PHLPP1: variants seen among roughly 807,000 people sequenced by gnomAD.
The protein encoded by PHLPP1 is PH domain and leucine rich repeat protein phosphatase 1, also known as PH domain leucine-rich repeat-containing protein phosphatase 1.
A neutral mutation model predicts 117.2 loss-of-function variants in PHLPP1; 42 were observed. The observed-to-expected ratio is 0.36, with a 90% CI of 0.28 to 0.46. PHLPP1 has a LOEUF of 0.46. Among genes scored for constraint, PHLPP1 ranks in the 20% least tolerant of loss-of-function variants. The pLI is 1.00. For synonymous variants in PHLPP1, 1,042 were observed against 970.7 expected, an observed-to-expected ratio of 1.07 and a Z score of -1.37; for missense variants, 2,084 against 2,241.9, an observed-to-expected ratio of 0.93 and a Z score of 1.42.
At chr18:62,864,194 G>C (rs1275036066) in intron 4 of PHLPP1, among the ~76,000 whole-genome samples, 1 of 151,828 alleles carries the variant, frequency 6.6e-6, no homozygotes, top group Non-Finnish European at 1.5e-5. Context: ...GCTAATTTTT[G>C]TATTTTTAGT....
chr18:62,978,141 G>A lies in PHLPP1; in HGVS notation c.3985-121G>A, dbSNP rs1911248392. On this transcript the variant is annotated intron_variant, in intron 16 of 16. Transcript: ENST00000262719. This position sits in a 1 kb window ranked among gnomAD's most constrained non-coding sequence, Gnocchi z 7.0. ...AGAGTGAGCCCTTCTTTCCTCTGTG[G>A]GCCACACAGCACTTCTCTGTGGTCC... The A allele has an allele frequency of 1.6e-6, 1 of 616,436 alleles. No homozygotes were observed. Among genetic ancestry groups the A allele is most frequent in the East Asian group, 2.8e-5 (1 of 36,204 alleles). 38.2% of individuals were successfully genotyped at this position (616,436 alleles called of 1,614,324 possible). A position where few individuals can be genotyped will look rare whatever the true frequency, so the allele number is the denominator to read the frequency against.
chr18:62,926,496 T>C (rs755717260), intron 10 of PHLPP1, among the ~76,000 whole-genome samples: 3 of 152,174 alleles, frequency 2.0e-5, no homozygotes, highest in Non-Finnish European at 4.4e-5. Flanking sequence ...CCTGTTTCTC[T>C]GATGCTCCTA....
Position 62,978,125 on chromosome 18 carries a change from C to T in PHLPP1, c.3985-137C>T, listed in dbSNP as rs1911247684. On this transcript the variant is annotated intron_variant, in intron 16 of 16. Transcript: ENST00000262719. This position sits in a 1 kb window ranked among gnomAD's most constrained non-coding sequence, Gnocchi z 7.0. ...ATTAACTACTCACTACAGAGTGAGC[C>T]CTTCTTTCCTCTGTGGGCCACACAG... 1 of 603,704 alleles carries T rather than the reference C, an allele frequency of 1.7e-6. No individual in the cohort carries two copies. The highest frequency in any genetic ancestry group is 3.0e-6 in the Non-Finnish European group (1 of 336,404). 37.4% of individuals were successfully genotyped at this position (603,704 alleles called of 1,614,324 possible). A position where few individuals can be genotyped will look rare whatever the true frequency, so the allele number is the denominator to read the frequency against.
intron 1 of PHLPP1, among the ~76,000 whole-genome samples, chr18:62,743,528 G>A (rs1055948092): frequency 1.3e-5 from 2 of 151,982 alleles, no homozygotes; most frequent in African/African-American, 4.8e-5. Flanking sequence ...TCGCCATACA[G>A]AAATACTCCT....
At chr18:62,850,655 A>G (rs974181975) in intron 3 of PHLPP1, among the ~76,000 whole-genome samples, 2 of 152,144 alleles carry the variant, frequency 1.3e-5, no homozygotes, top group Non-Finnish European at 2.9e-5. Flanking sequence ...TCTCCACCCA[A>G]GTTGAACTCT....
chr18:62,771,211 CAAAAA>C (rs766950169), intron 1 of PHLPP1, among the ~76,000 whole-genome samples: 1 of 58,724 alleles, frequency 1.7e-5, no homozygotes, highest in African/African-American at 5.4e-5. Context: ...GAGACTGTCT[CAAAAA>C]AAAAAAAAAA....
At chr18:62,759,912 T>G (rs1474519395) in intron 1 of PHLPP1, among the ~76,000 whole-genome samples, 1 of 152,250 alleles carries the variant, frequency 6.6e-6, no homozygotes. Flanking sequence ...ATATAGTTAG[T>G]GACTAATTTC....
chr18:62,772,830 CAAAAAAAAAA>C (rs59776161), intron 1 of PHLPP1, among the ~76,000 whole-genome samples: 1 of 61,070 alleles, frequency 1.6e-5, no homozygotes, highest in Admixed American at 1.7e-4. Flanking sequence ...GACTCTTTCT[CAAAAAAAAAA>C]AAAAAAAAAG....
At chr18:62,814,213 G>T (rs1914202878) in intron 1 of PHLPP1, among the ~76,000 whole-genome samples, 1 of 152,148 alleles carries the variant, frequency 6.6e-6, no homozygotes, top group Non-Finnish European at 1.5e-5. Context: ...GATTTACTGG[G>T]CAGTTGACTT....
At chr18:62,811,430 G>A (rs1485441149) in intron 1 of PHLPP1, among the ~76,000 whole-genome samples, 1 of 152,084 alleles carries the variant, frequency 6.6e-6, no homozygotes, top group African/African-American at 2.4e-5. Flanking sequence ...ATGTAAAGTT[G>A]TGTATATGTA....
intron 4 of PHLPP1, among the ~76,000 whole-genome samples, chr18:62,872,079 G>A (rs1915919430): frequency 6.6e-6 from 1 of 152,194 alleles, no homozygotes; most frequent in South Asian, 2.1e-4. Context: ...ACCTGGTTCT[G>A]AGAACTAAAT....
chr18:62,914,190 CTG>C (rs1917038525), intron 8 of PHLPP1, among the ~76,000 whole-genome samples: 1 of 152,152 alleles, frequency 6.6e-6, no homozygotes, highest in South Asian at 2.1e-4. Context: ...TTGTCCATGG[CTG>C]TGTTTTCATG....
rs909547862 is a variant in PHLPP1, at chr18:62,965,353, C to T, written c.3560+1881C>T. ...AATAGACATCTATTCTCTTCTCTCCCTCCCTCCTTTTCTCTGAGGTGTAGT... is the reference window on the plus strand; with the variant it reads ...AATAGACATCTATTCTCTTCTCTCCTTCCCTCCTTTTCTCTGAGGTGTAGT... On this transcript the variant is annotated intron_variant, in intron 14 of 16. Coordinates refer to ENST00000262719, the MANE Select transcript of PHLPP1 (RefSeq NM_194449.4). 5.5e-4 allele frequency among the ~76,000 whole-genome samples: 83 copies of T among 152,134 alleles called. 1 individual carries two copies. Among genetic ancestry groups the T allele is most frequent in the African/African-American group, 2.0e-3 (83 of 41,430 alleles).
At chr18:62,746,531 GC>G (rs979286835) in intron 1 of PHLPP1, among the ~76,000 whole-genome samples, 24 of 152,130 alleles carry the variant, frequency 1.6e-4, no homozygotes, top group Admixed American at 1.2e-3. Context: ...AGTTTGTTTT[GC>G]CCAAATGATT....
intron 13 of PHLPP1, among the ~76,000 whole-genome samples, chr18:62,959,769 GA>G (rs1910712793): frequency 6.6e-6 from 1 of 152,212 alleles, no homozygotes; most frequent in Non-Finnish European, 1.5e-5. Flanking sequence ...ACCAAAGTTT[GA>G]AAAGCACTTA....
intron 1 of PHLPP1, among the ~76,000 whole-genome samples, chr18:62,756,558 G>A (rs1283637069): frequency 1.3e-5 from 2 of 152,192 alleles, no homozygotes; most frequent in Non-Finnish European, 2.9e-5. Flanking sequence ...TTCTCTCTGA[G>A]CTCTGCTATC....
chr18:62,783,254 G>A (rs1001009592), intron 1 of PHLPP1, among the ~76,000 whole-genome samples: 2 of 130,284 alleles, frequency 1.5e-5, no homozygotes, highest in Admixed American at 1.6e-4. Flanking sequence ...TTGAGACAGA[G>A]TCTTGTTCTG....
At chr18:62,742,997 G>T (rs1911574814) in intron 1 of PHLPP1, among the ~76,000 whole-genome samples, 1 of 152,044 alleles carries the variant, frequency 6.6e-6, no homozygotes, top group Non-Finnish European at 1.5e-5. Context: ...CCATTTTAAT[G>T]GAGTTGGAAT....
intron 1 of PHLPP1, among the ~76,000 whole-genome samples, chr18:62,818,594 G>C (rs902537256): frequency 6.6e-6 from 1 of 152,148 alleles, no homozygotes; most frequent in Admixed American, 6.5e-5. Flanking sequence ...AAAGCTGAAA[G>C]ACTATCAACA....
Sources: allele counts gnomAD v4.1 joint callset (sites outside exome capture counted in the v4.1 genomes callset), GRCh38; gene constraint gnomAD v4.1.1; non-coding constraint Gnocchi (gnomAD v3.1); transcripts MANE v1.5; gene names NCBI Gene and HGNC (gene_info 2026-07-23, HGNC 2026-07-21).